The following PCDHGB7 variants were observed in gnomAD, a reference collection of about 807,000 sequenced individuals.
The protein encoded by PCDHGB7 is protocadherin gamma-B7.
PCDHGB7 carries 37 observed loss-of-function variants against 61.4 expected under a neutral mutation model. That is an observed-to-expected ratio of 0.60 (90% CI 0.46 to 0.79). The LOEUF (loss-of-function observed/expected upper bound fraction) is 0.79, where lower values mean the gene tolerates loss of function less well. Among genes scored for constraint, PCDHGB7 ranks in the 30% least tolerant of loss-of-function variants. PCDHGB7 has a pLI of 0.00. For missense variants in PCDHGB7, 1,166 were observed against 1,202.5 expected, an observed-to-expected ratio of 0.97 and a Z score of 0.45; for synonymous variants, 464 against 503.5, an observed-to-expected ratio of 0.92 and a Z score of 1.05.
rs200464357 is a variant in PCDHGB7 at position 141,489,983 on chromosome 5, G to A, written c.2416-4824G>A. 4.5e-5 allele frequency: 73 copies of A among 1,614,172 alleles called. No homozygotes were observed. Among genetic ancestry groups the A allele is most frequent in the Middle Eastern group, 3.3e-4 (2 of 6,062 alleles). ...CCAACCTTCCAATCCTCAGTTCTAC[G>A]TGTGGGAATCCCAGAGAATGCACCC... On this transcript the variant is annotated intron_variant, in intron 1 of 3. Coordinates refer to ENST00000398594, the MANE Select transcript of PCDHGB7 (RefSeq NM_018927.4). This position sits in a 1 kb window ranked among gnomAD's most constrained non-coding sequence, Gnocchi z 4.5.
Position 141,485,486 on chromosome 5 carries a change from C to A in PCDHGB7, c.2416-9321C>A. On this transcript the variant is annotated intron_variant, in intron 1 of 3. Transcript: ENST00000398594. This position sits in a 1 kb window ranked among gnomAD's most constrained non-coding sequence, Gnocchi z 5.7. Reference sequence around the variant, plus strand: ...TGGGCTCAGTGCCAGCTGCATCGTGCCCCTGGAGTTTGTCACCGAAGGTCC... The same window carrying A: ...TGGGCTCAGTGCCAGCTGCATCGTGACCCTGGAGTTTGTCACCGAAGGTCC... 6.2e-7 allele frequency: 1 copy of A among 1,614,104 alleles called. No individual in the cohort carries two copies.
chr5:141,449,994 G>T (rs2098661673), intron 1 of PCDHGB7, among the ~76,000 whole-genome samples: 2 of 131,786 alleles, frequency 1.5e-5, no homozygotes, highest in Admixed American at 7.9e-5. Context: ...ATTGCATTTA[G>T]TTGCCATGTC....
In PCDHGB7 at chr5:141,476,432, G is replaced by T; in HGVS notation, c.2416-18375G>T. 6.2e-7 allele frequency: 1 copy of T among 1,614,116 alleles called. No individual in the cohort carries two copies. The highest frequency in any genetic ancestry group is 8.5e-7 in the Non-Finnish European group (1 of 1,180,028). ...GTGTGGGACACTGCCCTCTTGCACT[G>T]TAACTCTGGAGTTGGTAGTGGAGAA... On this transcript the variant is annotated intron_variant, in intron 1 of 3. Coordinates refer to ENST00000398594, the MANE Select transcript of PCDHGB7 (RefSeq NM_018927.4). The surrounding 1 kb of genome is among the most constrained non-coding windows in gnomAD (Gnocchi z 7.6).
Position 141,421,742 on chromosome 5 carries a change from A to G in PCDHGB7, c.2415+1468A>G, listed in dbSNP as rs772984365. The stretch of plus-strand genomic sequence containing the variant: ...GGCGTGAACTCCCTCCAGAGCTACC[A>G]GCTCAGCCCTAATAATTACTTTTCC... On this transcript the variant is annotated intron_variant, in intron 1 of 3. Transcript: ENST00000398594. The G allele has an allele frequency of 4.3e-6, 7 of 1,613,826 alleles. No individual in the cohort carries two copies. The East Asian group carries it at 1.3e-4, about 31-fold the overall frequency.
At chr5:141,446,718 C>G (rs1279970040) in intron 1 of PCDHGB7, among the ~76,000 whole-genome samples, 1 of 152,174 alleles carries the variant, frequency 6.6e-6, no homozygotes, top group Non-Finnish European at 1.5e-5. Flanking sequence ...CTGCCCGCCT[C>G]GGCCTCCCAA....
chr5:141,508,535 C>A (rs1294413041), intron 3 of PCDHGB7, among the ~76,000 whole-genome samples: 1 of 152,172 alleles, frequency 6.6e-6, no homozygotes, highest in Non-Finnish European at 1.5e-5. Context: ...GGGCACCCCC[C>A]ACGAGGTGGG....
Position 141,418,890 on chromosome 5 carries a change from G to A in PCDHGB7, c.1031G>A (p.Ser344Asn), listed in dbSNP as rs1449142412. 1.9e-6 allele frequency: 3 copies of A among 1,613,934 alleles called. No individual in the cohort carries two copies. The highest frequency in any genetic ancestry group is 2.5e-6 in the Non-Finnish European group (3 of 1,179,798). The change falls in exon 1 of 4, where the codon AGC becomes AAC. Residue 344 changes from serine (S) to asparagine (N), a missense_variant. Transcript: ENST00000398594. ...GAAGTTGTAGACGAAAACGACAACA[G>A]CCCAGAAATAATCATCACGTCACTC... ...IVEVVDENDN[S>N]PEIIITSLSD...
intron 1 of PCDHGB7, among the ~76,000 whole-genome samples, chr5:141,444,977 T>A (rs2098452876): frequency 1.3e-5 from 2 of 152,200 alleles, no homozygotes; most frequent in South Asian, 4.1e-4. Flanking sequence ...TTCAAATCCA[T>A]GAACATGGTA....
rs2099612736 is a variant in PCDHGB7 at position 141,485,393 on chromosome 5, C to T, written c.2416-9414C>T. The T allele has an allele frequency of 6.2e-7, 1 of 1,614,154 alleles. No homozygotes were observed. The highest frequency in any genetic ancestry group is 1.7e-5 in the Admixed American group (1 of 60,020). ...GGTCGCTGGAGAGGTGAACCAAAGA[C>T]ACTTCCGTGTGGATTTGGACAGCGG... On this transcript the variant is annotated intron_variant, in intron 1 of 3. Coordinates refer to ENST00000398594, the MANE Select transcript of PCDHGB7 (RefSeq NM_018927.4). The surrounding 1 kb of genome is among the most constrained non-coding windows in gnomAD (Gnocchi z 5.7).
chr5:141,423,071 C>T, intron 1 of PCDHGB7: 2 of 1,614,120 alleles, frequency 1.2e-6, no homozygotes, highest in South Asian at 1.1e-5. Flanking sequence ...GCCAGCGAGC[C>T]GGGACTCTTC....
intron 1 of PCDHGB7, among the ~76,000 whole-genome samples, chr5:141,484,179 A>G (rs2099592960): frequency 6.6e-6 from 1 of 152,222 alleles, no homozygotes; most frequent in South Asian, 2.1e-4. Context: ...GATCTCAATC[A>G]TTCAAGGAAG....
At chr5:141,505,777 TCTG>T (rs77860300) in intron 3 of PCDHGB7, among the ~76,000 whole-genome samples, 6,508 of 152,280 alleles carry the variant, frequency 0.043, 161 homozygotes, top group Middle Eastern at 0.13. Context: ...AGGTCCTAGC[TCTG>T]CTACTATCCT....
At chr5:141,450,887 C>T (rs531604055) in intron 1 of PCDHGB7, among the ~76,000 whole-genome samples, 18 of 148,682 alleles carry the variant, frequency 1.2e-4, no homozygotes, top group East Asian at 1.2e-3. Flanking sequence ...TGCAGTGGTG[C>T]GATATCGGCT....
Position 141,490,225 on chromosome 5 carries a change from G to A in PCDHGB7, c.2416-4582G>A, listed in dbSNP as rs2099697468. On this transcript the variant is annotated intron_variant, in intron 1 of 3. Coordinates refer to ENST00000398594, the MANE Select transcript of PCDHGB7 (RefSeq NM_018927.4). This position sits in a 1 kb window ranked among gnomAD's most constrained non-coding sequence, Gnocchi z 5.4. The stretch of plus-strand genomic sequence containing the variant: ...AAGAGCCCGTGACCAGGGACAGCCT[G>A]CCATGGAGGGCCACTGTGTGATTCA... The A allele has an allele frequency of 6.2e-7, 1 of 1,614,112 alleles. No homozygotes were observed. The highest frequency in any genetic ancestry group is 1.1e-5 in the South Asian group (1 of 91,090).
At chr5:141,502,880 T>TTTTTTTTTTG (rs2099816747) in intron 2 of PCDHGB7, among the ~76,000 whole-genome samples, 1 of 151,000 alleles carries the variant, frequency 6.6e-6, no homozygotes, top group African/African-American at 2.4e-5. Context: ...TTTTTTTTTT[T>TTTTTTTTTTG]GACAGGGAGT....
At position 141,511,563 on chromosome 5, in the gene PCDHGB7, C is replaced by T. The variant is rs911782127; in HGVS notation, c.*390C>T. ...CCCCACTCCAACAGTTCCTCTTTCCCGAGTAAGGTGGTTGGGGTGTTGAAG... is the reference window on the plus strand; with the variant it reads ...CCCCACTCCAACAGTTCCTCTTTCCTGAGTAAGGTGGTTGGGGTGTTGAAG... On this transcript the variant is annotated 3_prime_UTR_variant, in exon 4 of 4. Coordinates refer to ENST00000398594, the MANE Select transcript of PCDHGB7 (RefSeq NM_018927.4). The T allele has an allele frequency of 7.8e-5, 23 of 295,048 alleles. No homozygotes were observed. The highest frequency in any genetic ancestry group is 3.4e-4 in the African/African-American group (16 of 46,532). The allele number at this position is 295,048 out of a possible 1,614,324, so 18.3% of individuals were successfully genotyped here. A position where few individuals can be genotyped will look rare whatever the true frequency, so the allele number is the denominator to read the frequency against.
chr5:141,452,459 C>T (rs545368648), intron 1 of PCDHGB7, among the ~76,000 whole-genome samples: 38 of 152,246 alleles, frequency 2.5e-4, no homozygotes, highest in Middle Eastern at 6.8e-3. Context: ...TGTCAGCAGA[C>T]GGAGCTAGGA....
intron 1 of PCDHGB7, chr5:141,422,849 C>A: frequency 1.2e-6 from 2 of 1,614,238 alleles, no homozygotes; most frequent in Non-Finnish European, 8.5e-7. Context: ...AGCGGGGACC[C>A]GCCCCTCAGC....
chr5:141,469,395 T>G lies in PCDHGB7; in HGVS notation c.2416-25412T>G, dbSNP rs1332746609. ...ATCGAGACCATCCTGGCCAACATGG[T>G]GAAACCCCGTTTCTACTAAAAATAT... On this transcript the variant is annotated intron_variant, in intron 1 of 3. Transcript: ENST00000398594. Among the ~76,000 whole-genome samples, 6 of 152,194 alleles carry G rather than the reference T, an allele frequency of 3.9e-5. No homozygotes were observed. The East Asian group carries it at 1.2e-3, about 29-fold the overall frequency.
Sources: allele counts gnomAD v4.1 joint callset (sites outside exome capture counted in the v4.1 genomes callset), GRCh38; gene constraint gnomAD v4.1.1; non-coding constraint Gnocchi (gnomAD v3.1); transcripts MANE v1.5; gene names NCBI Gene and HGNC (gene_info 2026-07-23, HGNC 2026-07-21).